LRBA: variants seen among roughly 807,000 people sequenced by gnomAD.
LRBA encodes lipopolysaccharide-responsive and beige-like anchor protein.
LRBA carries 176 observed loss-of-function variants against 330.0 expected under a neutral mutation model. That is an observed-to-expected ratio of 0.53 (90% confidence interval 0.47 to 0.60). LRBA has a LOEUF of 0.60. Among genes scored for constraint, LRBA ranks in the 20% least tolerant of loss-of-function variants. LRBA has a pLI of 0.00. For missense variants in LRBA, 3,259 were observed against 3,444.8 expected, an observed-to-expected ratio of 0.95 and a Z score of 1.35; for synonymous variants, 1,230 against 1,193.0, an observed-to-expected ratio of 1.03 and a Z score of -0.64.
intron 37 of LRBA, among the ~76,000 whole-genome samples, chr4:150,651,613 C>T (rs1490679898): frequency 6.6e-6 from 1 of 151,770 alleles, no homozygotes; most frequent in Non-Finnish European, 1.5e-5. Flanking sequence ...TGTCTTGTTC[C>T]TAACTGTATC....
At chr4:150,809,550 C>CA (rs1437729050) in intron 31 of LRBA, among the ~76,000 whole-genome samples, 61 of 152,022 alleles carry the variant, frequency 4.0e-4, no homozygotes, top group African/African-American at 1.3e-3. Flanking sequence ...AACTCCGTCT[C>CA]AAAAAAAAGA....
intron 40 of LRBA, among the ~76,000 whole-genome samples, chr4:150,575,442 G>C (rs1770417170): frequency 6.6e-6 from 1 of 151,828 alleles, no homozygotes; most frequent in Non-Finnish European, 1.5e-5. Flanking sequence ...GATGATCAAT[G>C]CCAAATTACT....
intron 14 of LRBA, among the ~76,000 whole-genome samples, chr4:150,898,655 T>TAAG (rs752379061): frequency 0.28 from 8,817 of 31,678 alleles, 770 homozygotes; most frequent in African/African-American, 0.33. Context: ...CAAAAAAAAA[T>TAAG]AATAAGACTA....
At chr4:150,738,943 T>A (rs978682844) in intron 35 of LRBA, among the ~76,000 whole-genome samples, 1 of 152,114 alleles carries the variant, frequency 6.6e-6, no homozygotes, top group African/African-American at 2.4e-5. Context: ...CAGAAATACA[T>A]AGAAAGTAAA....
intron 2 of LRBA, among the ~76,000 whole-genome samples, chr4:150,941,716 G>A (rs532483553): frequency 6.6e-6 from 1 of 152,084 alleles, no homozygotes; most frequent in Admixed American, 6.5e-5. Context: ...GGGGAACCCC[G>A]TCTCTAATAA....
rs1745135643 is a variant in LRBA at position 150,265,067 on chromosome 4, C to G, written c.*655G>C. ...TTGTTGTGCTATGAAGATGACAGAT[C>G]AGGAAAAAATGGTAACTATTTCACA... On this transcript the variant is annotated 3_prime_UTR_variant, in exon 57 of 57. Coordinates refer to ENST00000651943, the MANE Select transcript of LRBA (RefSeq NM_001364905.1). 6.6e-6 allele frequency: 1 copy of G among 152,610 alleles called. No individual in the cohort carries two copies. The highest frequency in any genetic ancestry group is 2.4e-5 in the African/African-American group (1 of 41,412). 9.5% of individuals were successfully genotyped at this position (152,610 alleles called of 1,614,324 possible). A position where few individuals can be genotyped will look rare whatever the true frequency, so the allele number is the denominator to read the frequency against.
intron 34 of LRBA, among the ~76,000 whole-genome samples, chr4:150,768,155 G>T (rs1736039682): frequency 6.6e-6 from 1 of 151,662 alleles, no homozygotes; most frequent in East Asian, 1.9e-4. Flanking sequence ...AATAAAGAGG[G>T]GGCAACAGTA....
rs536014624 is a variant in LRBA, at chr4:150,277,670, A to AT, written c.8468+182dup. Among the ~76,000 whole-genome samples the AT allele has an allele frequency of 6.1e-3, 923 of 151,560 alleles. 12 individuals carry two copies. Among genetic ancestry groups the AT allele is most frequent in the African/African-American group, 0.021 (880 of 41,380 alleles). On this transcript the variant is annotated intron_variant, in intron 56 of 56. Transcript: ENST00000651943. The stretch of plus-strand genomic sequence containing the variant: ...TTTACTATACAATTTTGAAAAAAAA[A>AT]TTTTTTTTTTCTGTAGAGACAGGGT...
intron 49 of LRBA, among the ~76,000 whole-genome samples, chr4:150,322,744 A>G (rs1304594302): frequency 2.0e-5 from 3 of 152,210 alleles, no homozygotes; most frequent in Admixed American, 1.3e-4. Flanking sequence ...AAAGCCAATC[A>G]ATATTATGAG....
intron 40 of LRBA, among the ~76,000 whole-genome samples, chr4:150,548,633 TA>T (rs964037088): frequency 1.1e-4 from 16 of 151,930 alleles, no homozygotes; most frequent in East Asian, 5.8e-4. Context: ...AAAACAGATT[TA>T]AAAAAAAATT....
intron 42 of LRBA, among the ~76,000 whole-genome samples, chr4:150,478,882 T>G (rs1250590366): frequency 6.6e-6 from 1 of 152,222 alleles, no homozygotes; most frequent in African/African-American, 2.4e-5. Flanking sequence ...GCTATTTAGT[T>G]TACATATTTG....
At chr4:150,965,643 G>A (rs1251985381) in intron 2 of LRBA, among the ~76,000 whole-genome samples, 1 of 151,998 alleles carries the variant, frequency 6.6e-6, no homozygotes, top group Non-Finnish European at 1.5e-5. Context: ...GGGCTCAAGG[G>A]ATCCTCCCGC....
Position 150,618,143 on chromosome 4 carries a change from A to G in LRBA, c.5922-19012T>C, listed in dbSNP as rs970113968. Among the ~76,000 whole-genome samples the G allele has an allele frequency of 2.0e-5, 3 of 152,274 alleles. No individual in the cohort carries two copies. In the East Asian group the frequency reaches 5.8e-4, roughly 29 times the overall value. On this transcript the variant is annotated intron_variant, in intron 37 of 56. Coordinates refer to ENST00000651943, the MANE Select transcript of LRBA (RefSeq NM_001364905.1). Reference sequence around the variant, plus strand: ...AAAAAAAGAACTCTTAGATTCTGATAGTTTCTCTTCTTGCCTTTATAATCA... The same window carrying G: ...AAAAAAAGAACTCTTAGATTCTGATGGTTTCTCTTCTTGCCTTTATAATCA...
chr4:150,536,264 C>A (rs971285175), intron 40 of LRBA, among the ~76,000 whole-genome samples: 2 of 152,070 alleles, frequency 1.3e-5, no homozygotes, highest in South Asian at 4.1e-4. Context: ...AGAAAGAGGA[C>A]ACATTTAAAT....
chr4:150,662,615 T>C (rs1781220439), intron 37 of LRBA, among the ~76,000 whole-genome samples: 1 of 152,054 alleles, frequency 6.6e-6, no homozygotes, highest in Non-Finnish European at 1.5e-5. Context: ...GCAAAAAGAG[T>C]GAAAGTGTAA....
At chr4:150,746,508 T>C (rs1227387222) in intron 35 of LRBA, among the ~76,000 whole-genome samples, 1 of 125,986 alleles carries the variant, frequency 7.9e-6, no homozygotes. Context: ...TTTCTCTTAC[T>C]TTTTTTTTTT....
intron 26 of LRBA, among the ~76,000 whole-genome samples, chr4:150,847,290 T>C (rs1374767577): frequency 6.6e-6 from 1 of 152,190 alleles, no homozygotes; most frequent in Non-Finnish European, 1.5e-5. Flanking sequence ...TTTTATTTTG[T>C]TATGCTTACA....
chr4:150,382,196 G>C (rs1742368733), intron 47 of LRBA, among the ~76,000 whole-genome samples: 1 of 152,152 alleles, frequency 6.6e-6, no homozygotes, highest in Non-Finnish European at 1.5e-5. Flanking sequence ...TAATCAGTGT[G>C]ATTCACTACT....
At chr4:150,628,438 C>T (rs1777053514) in intron 37 of LRBA, among the ~76,000 whole-genome samples, 1 of 152,190 alleles carries the variant, frequency 6.6e-6, no homozygotes, top group African/African-American at 2.4e-5. Flanking sequence ...TTCACACCCA[C>T]TGTAAAATTA....
Sources: allele counts gnomAD v4.1 joint callset (sites outside exome capture counted in the v4.1 genomes callset), GRCh38; gene constraint gnomAD v4.1.1; transcripts MANE v1.5; gene names NCBI Gene and HGNC (gene_info 2026-07-23, HGNC 2026-07-21).